The following LYPD8 variants were observed in gnomAD, a reference collection of about 807,000 sequenced individuals.
The protein encoded by LYPD8 is LY6/PLAUR domain containing 8, also known as ly6/PLAUR domain-containing protein 8.
A neutral mutation model predicts 1.7 loss-of-function variants in LYPD8; 8 were observed. The observed-to-expected ratio is 4.58, with a 90% CI of 2.69 to 8.27. LYPD8 has a LOEUF of 8.27. LYPD8 is among the 30% of genes most tolerant of loss of function. The pLI is 0.00. For synonymous variants in LYPD8, 50 were observed against 43.6 expected (o/e 1.15, Z -0.58); for missense variants, 112 against 102.3 (o/e 1.09, Z -0.41).
intron 6 of LYPD8, among the ~76,000 whole-genome samples, 198 bp downstream of exon 6, chr1:248,744,944 A>C (rs1662705375): frequency 6.6e-6 from 1 of 152,180 alleles, no homozygotes; most frequent in Non-Finnish European, 1.5e-5. Flanking sequence ...CAGGAGAAAC[A>C]GCTCTGCTCT....
At chr1:248,749,205 G>T (rs943663716) in intron 4 of LYPD8, among the ~76,000 whole-genome samples, 11 of 152,182 alleles carry the variant, frequency 7.2e-5, no homozygotes, top group Admixed American at 2.6e-4. Flanking sequence ...AACAAAAAAT[G>T]ATGGAAGCTG....
At chr1:248,753,939 A>G (rs1662883089) in intron 2 of LYPD8, among the ~76,000 whole-genome samples, 1 of 145,246 alleles carries the variant, frequency 6.9e-6, no homozygotes, top group Admixed American at 6.8e-5. Context: ...CACACAACAC[A>G]TAACATCACA....
At chr1:248,754,264 A>G (rs1489926566) in intron 2 of LYPD8, among the ~76,000 whole-genome samples, 1 of 151,438 alleles carries the variant, frequency 6.6e-6, no homozygotes, top group African/African-American at 2.4e-5. Context: ...TAAGTCACAC[A>G]CATCACACAC....
Position 248,739,551 on chromosome 1 carries a change from G to A in LYPD8, c.*60C>T, listed in dbSNP as rs190143009. The stretch of plus-strand genomic sequence containing the variant: ...GAAAGAGGGTGTCAGCACCGCAGGG[G>A]GTGCTCTGGACCTCAGAGAAGCAGA... On this transcript the variant is annotated 3_prime_UTR_variant, in exon 7 of 7. Transcript: ENST00000590317. This position sits in a 1 kb window ranked among gnomAD's most constrained non-coding sequence, Gnocchi z 4.3. 5 of 1,547,446 alleles carry A rather than the reference G, an allele frequency of 3.2e-6. No individual in the cohort carries two copies. The highest frequency in any genetic ancestry group is 1.4e-5 in the African/African-American group (1 of 72,972).
intron 6 of LYPD8, among the ~76,000 whole-genome samples, chr1:248,742,959 A>T (rs112776555): frequency 2.6e-5 from 1 of 38,916 alleles, no homozygotes; most frequent in Non-Finnish European, 4.5e-5. Context: ...GCCGGGGGAG[A>T]TTATGCTCTG....
At chr1:248,753,941 AACATCACATGTCACAC>A (rs1443192362) in intron 2 of LYPD8, among the ~76,000 whole-genome samples, 13,766 of 147,154 alleles carry the variant, frequency 0.094, 783 homozygotes, top group East Asian at 0.24. Context: ...CACAACACAT[AACATCACATGTCACAC>A]ACATCACATG....
intron 2 of LYPD8, 42 bp from the exon 3 acceptor site, chr1:248,751,172 C>T (rs1187075075): frequency 4.0e-5 from 16 of 398,226 alleles, no homozygotes; most frequent in Non-Finnish European, 4.9e-5. Context: ...CCTTGGAGGG[C>T]TGCCTCTCAT....
At position 248,739,584 on chromosome 1, in the gene LYPD8, T is replaced by C. The variant is rs1662545946; in HGVS notation, c.*27A>G. 1 of 1,549,682 alleles carries C rather than the reference T, an allele frequency of 6.5e-7. No homozygotes were observed. Among genetic ancestry groups the C allele is most frequent in the East Asian group, 2.4e-5 (1 of 40,884 alleles). On this transcript the variant is annotated 3_prime_UTR_variant, in exon 7 of 7. Transcript: ENST00000590317. The surrounding 1 kb of genome is among the most constrained non-coding windows in gnomAD (Gnocchi z 4.3). ...GGACCTCAGAGAAGCAGAAATGGGG[T>C]GCTGGGCAAAGTGCAGCCCCAGGAC...
Position 248,745,249 on chromosome 1 carries a change from G to C in LYPD8, c.368C>G (p.Ala123Gly). ...DPPLKNVSSN[A>G]ECPACYESNG... ...AGATTCATAACAAGCAGGGCACTCT[G>C]CGTTGCTGGACACGTTCTTCAGGGG... is the stretch of plus-strand genomic sequence containing the variant. The change falls in exon 6 of 7, where the codon GCA (alanine) becomes GGA (glycine). Residue 123 changes from alanine to glycine, a missense_variant. By Grantham distance (60) the Ala-to-Gly change is moderately conservative. Transcript: ENST00000590317. The C allele has an allele frequency of 2.5e-6, 1 of 398,626 alleles. No individual in the cohort carries two copies. The highest frequency in any genetic ancestry group is 3.6e-5 in the East Asian group (1 of 28,076). The allele number at this position is 398,626 out of a possible 1,614,324, so 24.7% of individuals were successfully genotyped here.
At chr1:248,746,774 G>C (rs1423531611) in intron 5 of LYPD8, among the ~76,000 whole-genome samples, 8 of 14,828 alleles carry the variant, frequency 5.4e-4, no homozygotes, top group Non-Finnish European at 8.9e-4. Context: ...CCAGGGCATC[G>C]CCCGCACGGC....
intron 3 of LYPD8, 131 bp downstream of exon 3, chr1:248,750,899 G>A: frequency 2.5e-6 from 1 of 398,042 alleles, no homozygotes. Context: ...CAGGCTGCAC[G>A]GACAGGTCTC....
intron 2 of LYPD8, among the ~76,000 whole-genome samples, chr1:248,753,566 AAC>A (rs1273429739): frequency 1.8e-5 from 2 of 114,240 alleles, no homozygotes; most frequent in Non-Finnish European, 3.6e-5. Flanking sequence ...TCACACACAC[AAC>A]ACACACCCCA....
rs1271157555 is a variant in LYPD8, at chr1:248,753,759, ACAC to A, written c.-50+1477_-50+1479del. ...ACCACAGCCCCCACACAACACATAC[ACAC>A]CACATCACACACACACCACACATCA... On this transcript the variant is annotated intron_variant, in intron 2 of 6. Transcript: ENST00000590317. Among the ~76,000 whole-genome samples, 19 of 148,286 alleles carry A rather than the reference ACAC, an allele frequency of 1.3e-4. No individual in the cohort carries two copies. In the East Asian group the frequency reaches 1.8e-3, roughly 14 times the overall value.
intron 5 of LYPD8, among the ~76,000 whole-genome samples, chr1:248,746,655 G>A (rs1158636382): frequency 1.7e-4 from 11 of 63,634 alleles, no homozygotes; most frequent in Admixed American, 3.4e-4. Flanking sequence ...TCGCCCGCAC[G>A]GCCAGCACCC....
At chr1:248,742,320 G>A (rs1332500897) in intron 6 of LYPD8, among the ~76,000 whole-genome samples, 1 of 63,142 alleles carries the variant, frequency 1.6e-5, no homozygotes, top group Admixed American at 1.3e-4. Context: ...GTTGGCAGTC[G>A]GGGGAGATTA....
At position 248,739,796 on chromosome 1, in the gene LYPD8, T is replaced by G; in HGVS notation, c.529A>C (p.Thr177Pro). 6.4e-7 allele frequency: 1 copy of G among 1,551,730 alleles called. No individual in the cohort carries two copies. Among genetic ancestry groups the G allele is most frequent in the Non-Finnish European group, 8.7e-7 (1 of 1,146,994 alleles). ...LKGCSNVSNA[T>P]CQFLSGENKT... ...TTTTCACCAGACAGGAACTGACAGGTGGCGTTACTGACGTTGGAACAGCCT... is the reference window on the plus strand; with the variant it reads ...TTTTCACCAGACAGGAACTGACAGGGGGCGTTACTGACGTTGGAACAGCCT... The change falls in exon 7 of 7, where the codon ACC becomes CCC. Residue 177 changes from threonine (T) to proline (P), a missense_variant. Coordinates refer to ENST00000590317, the MANE Select transcript of LYPD8 (RefSeq NM_001085474.2). The surrounding 1 kb of genome is among the most constrained non-coding windows in gnomAD (Gnocchi z 4.3).
At chr1:248,755,682 C>T (rs1336976632) in intron 1 of LYPD8, 23 bp downstream of exon 1, 1 of 152,360 alleles carries the variant, frequency 6.6e-6, no homozygotes, top group Non-Finnish European at 1.5e-5. Flanking sequence ...AGGGCTCAGG[C>T]CCCGGCCTCG....
rs1572156961 is a variant in LYPD8, at chr1:248,753,629, CA to C, written c.-50+1609del. Among the ~76,000 whole-genome samples the C allele has an allele frequency of 1.0e-4, 13 of 126,832 alleles. 1 individual carries two copies. Among genetic ancestry groups the C allele is most frequent in the East Asian group, 3.1e-4 (1 of 3,220 alleles). 83.2% of individuals were successfully genotyped at this position (126,832 alleles called of 152,430 possible). A position where few individuals can be genotyped will look rare whatever the true frequency, so the allele number is the denominator to read the frequency against. ...CACCACACACCCCACACAACACACA[CA>C]ACACACCACACATATACATCACACA... On this transcript the variant is annotated intron_variant, in intron 2 of 6. Transcript: ENST00000590317.
intron 2 of LYPD8, among the ~76,000 whole-genome samples, chr1:248,752,944 TCA>T (rs1353886649): frequency 9.2e-5 from 4 of 43,462 alleles, no homozygotes; most frequent in Non-Finnish European, 1.7e-4. Context: ...ACACACCACA[TCA>T]CACACACACC....
Sources: gnomAD v4.1 joint callset for allele counts (sites outside exome capture counted in the v4.1 genomes callset) on GRCh38, gnomAD v4.1.1 for gene constraint, Gnocchi (gnomAD v3.1) non-coding constraint, MANE v1.5 for transcripts, NCBI Gene and HGNC (gene_info 2026-07-23, HGNC 2026-07-21) for gene names.